KPNA4: variants seen among roughly 807,000 people sequenced by gnomAD.
KPNA4 encodes importin subunit alpha-3.
A neutral mutation model predicts 71.3 loss-of-function variants in KPNA4; 13 were observed. The ratio of observed to expected loss-of-function variants is 0.18; its 90% CI spans 0.12 to 0.29. KPNA4 has a LOEUF of 0.29. Among genes scored for constraint, KPNA4 ranks in the 10% least tolerant of loss-of-function variants. KPNA4 has a pLI of 1.00. For missense variants in KPNA4, 334 were observed against 603.2 expected (o/e 0.55, Z 4.67); for synonymous variants, 189 against 195.2 (o/e 0.97, Z 0.26).
chr3:160,527,084 A>G (rs888090537), intron 8 of KPNA4, among the ~76,000 whole-genome samples: 2 of 152,322 alleles, frequency 1.3e-5, no homozygotes, highest in East Asian at 3.9e-4. Flanking sequence ...TCAAAGCAAC[A>G]ATGATTATTT....
intron 1 of KPNA4, among the ~76,000 whole-genome samples, chr3:160,537,760 G>C (rs551146197): frequency 1.3e-5 from 2 of 151,404 alleles, no homozygotes; most frequent in Non-Finnish European, 2.9e-5. Context: ...CAAAAACCTT[G>C]GAGCCATCCT....
chr3:160,510,863 C>T (rs1334961833), intron 13 of KPNA4, among the ~76,000 whole-genome samples: 1 of 151,822 alleles, frequency 6.6e-6, no homozygotes, highest in Non-Finnish European at 1.5e-5. Context: ...TCTCGGCTCA[C>T]TGCAACCTCC....
chr3:160,547,479 T>C (rs1721946208), intron 1 of KPNA4, among the ~76,000 whole-genome samples: 1 of 152,150 alleles, frequency 6.6e-6, no homozygotes, highest in Non-Finnish European at 1.5e-5. Flanking sequence ...AGTTCCCATA[T>C]ATTCCCTGCC....
chr3:160,512,931 A>G (rs571638925), intron 13 of KPNA4, among the ~76,000 whole-genome samples: 2 of 152,316 alleles, frequency 1.3e-5, no homozygotes, highest in South Asian at 4.1e-4. Context: ...TGCAACTCCT[A>G]GTAAAACAAG....
chr3:160,556,086 G>A (rs908600248), intron 1 of KPNA4, among the ~76,000 whole-genome samples: 2 of 152,212 alleles, frequency 1.3e-5, no homozygotes, highest in African/African-American at 4.8e-5. Flanking sequence ...GCCCGCCTTG[G>A]CCTCCCAAAG....
At chr3:160,517,506 T>C (rs78458020) in intron 11 of KPNA4, among the ~76,000 whole-genome samples, 2,226 of 152,220 alleles carry the variant, frequency 0.015, 76 homozygotes, top group African/African-American at 0.046. Context: ...GTTCATATTG[T>C]AACCTTATGT....
At chr3:160,544,004 C>T (rs527746823) in intron 1 of KPNA4, among the ~76,000 whole-genome samples, 2 of 152,170 alleles carry the variant, frequency 1.3e-5, no homozygotes, top group East Asian at 3.9e-4. Context: ...ATTACAGGTG[C>T]CCGCCACCAC....
chr3:160,502,928 T>C (rs111993198), intron 16 of KPNA4, among the ~76,000 whole-genome samples: 22,460 of 152,008 alleles, frequency 0.15, 2,133 homozygotes, highest in Non-Finnish European at 0.21. Context: ...CTGGCCAACG[T>C]GGCGAAACCC....
intron 1 of KPNA4, among the ~76,000 whole-genome samples, chr3:160,561,435 T>C (rs1046492901): frequency 6.6e-6 from 1 of 152,080 alleles, no homozygotes; most frequent in Non-Finnish European, 1.5e-5. Flanking sequence ...GGGGATCTTC[T>C]ACAACACTGT....
intron 8 of KPNA4, 29 bp from the exon 9 acceptor site, chr3:160,526,136 A>G (rs373191377): frequency 1.4e-6 from 2 of 1,451,126 alleles, no homozygotes; most frequent in Non-Finnish European, 1.8e-6. Flanking sequence ...AATTTACTCA[A>G]TAAAACATAC....
At chr3:160,551,931 G>A (rs1287243445) in intron 1 of KPNA4, among the ~76,000 whole-genome samples, 1 of 96,340 alleles carries the variant, frequency 1.0e-5, no homozygotes, top group Non-Finnish European at 2.0e-5. Context: ...GTTCTTGGTT[G>A]TCACAACTGG....
intron 1 of KPNA4, among the ~76,000 whole-genome samples, chr3:160,549,080 T>C (rs1721987313): frequency 6.6e-6 from 1 of 152,242 alleles, no homozygotes; most frequent in South Asian, 2.1e-4. Context: ...ATTTTGTTTA[T>C]CCTCCTTAGA....
chr3:160,565,120 C>T, intron 1 of KPNA4, 94 bp downstream of exon 1: 1 of 1,039,786 alleles, frequency 9.6e-7, no homozygotes, highest in Non-Finnish European at 1.5e-6. Context: ...GGCCTGGAGG[C>T]GGCTCCCGCC....
intron 1 of KPNA4, among the ~76,000 whole-genome samples, chr3:160,540,479 C>T (rs1721777662): frequency 6.6e-6 from 1 of 152,134 alleles, no homozygotes; most frequent in South Asian, 2.1e-4. Context: ...ACAATCCCTT[C>T]ATTATAGAGC....
At chr3:160,524,272 A>C (rs566099117) in intron 10 of KPNA4, among the ~76,000 whole-genome samples, 1 of 152,322 alleles carries the variant, frequency 6.6e-6, no homozygotes, top group South Asian at 2.1e-4. Flanking sequence ...AAGTCAACCA[A>C]GATGTCTTGT....
At chr3:160,561,846 C>T (rs925812752) in intron 1 of KPNA4, among the ~76,000 whole-genome samples, 2 of 151,998 alleles carry the variant, frequency 1.3e-5, no homozygotes, top group Non-Finnish European at 2.9e-5. Context: ...TCCCTTCCCT[C>T]CCCCAAAAAG....
chr3:160,558,003 C>G (rs1241016976), intron 1 of KPNA4, among the ~76,000 whole-genome samples: 1 of 152,156 alleles, frequency 6.6e-6, no homozygotes, highest in East Asian at 1.9e-4. Flanking sequence ...CTTTAATAAT[C>G]AACTTAATCT....
intron 1 of KPNA4, among the ~76,000 whole-genome samples, chr3:160,551,895 G>A (rs1193083034): frequency 7.0e-6 from 1 of 142,284 alleles, no homozygotes; most frequent in African/African-American, 2.6e-5. Flanking sequence ...TGCCACACAA[G>A]GGATATTTGG....
chr3:160,553,317 G>A (rs1414475791), intron 1 of KPNA4, among the ~76,000 whole-genome samples: 2 of 152,140 alleles, frequency 1.3e-5, no homozygotes, highest in East Asian at 3.9e-4. Flanking sequence ...ACCTGACTCG[G>A]GAAAAGCCAA....
Sources: allele counts gnomAD v4.1 joint callset (sites outside exome capture counted in the v4.1 genomes callset), GRCh38; gene constraint gnomAD v4.1.1; transcripts MANE v1.5; gene names NCBI Gene and HGNC (gene_info 2026-07-23, HGNC 2026-07-21).